MPP4: variants seen among roughly 807,000 people sequenced by gnomAD.
MPP4 encodes MAGUK p55 subfamily member 4.
Under a neutral mutation model 98.3 loss-of-function variants are expected in MPP4, and 91 were observed. The observed-to-expected ratio is 0.93, with a 90% confidence interval of 0.78 to 1.10. MPP4 has a LOEUF of 1.10. MPP4 is among the 50% of genes least tolerant of loss of function. The pLI, the probability that MPP4 is intolerant of heterozygous loss-of-function variation, is 0.00. For synonymous variants in MPP4, 261 were observed against 271.8 expected (o/e 0.96, Z 0.39); for missense variants, 744 against 792.9 (o/e 0.94, Z 0.74).
rs1485101012 is a variant in MPP4, at chr2:201,649,615, A to G, written c.1545T>C (p.Leu515=). The change falls in exon 20 of 22, where the codon CTT becomes CTC. Residue 515 remains leucine (L), a synonymous_variant. Coordinates refer to ENST00000409474, the MANE Select transcript of MPP4 (RefSeq NM_033066.3). ...GTSVDAVQTV[L]VEGKICVMDL... ...CCATGACACAGATCTTTCCTTCGACAAGGACTGTTTGAACAGCATCCACAC... is the reference window on the plus strand; with the variant it reads ...CCATGACACAGATCTTTCCTTCGACGAGGACTGTTTGAACAGCATCCACAC... 6.2e-7 allele frequency: 1 copy of G among 1,609,628 alleles called. No individual in the cohort carries two copies. The highest frequency in any genetic ancestry group is 8.5e-7 in the Non-Finnish European group (1 of 1,178,018).
chr2:201,669,979 G>A (rs1384939654), intron 11 of MPP4, among the ~76,000 whole-genome samples: 1 of 152,186 alleles, frequency 6.6e-6, no homozygotes, highest in Non-Finnish European at 1.5e-5. Flanking sequence ...AAATCTACTT[G>A]CTTCTGGTAA....
At chr2:201,651,528 G>A in intron 18 of MPP4, 1 of 985,354 alleles carries the variant, frequency 1.0e-6, no homozygotes, top group Non-Finnish European at 1.2e-6. Context: ...TCCATTTTAA[G>A]CTTAAAACCT....
In MPP4 at chr2:201,655,637, G is replaced by T. The variant is rs796483836; in HGVS notation, c.1300+561C>A. ...CAGACACGAAGGCAGTAGGATACAA[G>T]TTGCTACTGCTACAGGGACCAACTT... On this transcript the variant is annotated intron_variant, in intron 17 of 21. Coordinates refer to ENST00000409474, the MANE Select transcript of MPP4 (RefSeq NM_033066.3). Among the ~76,000 whole-genome samples the T allele has an allele frequency of 4.4e-4, 67 of 152,292 alleles. 1 individual carries two copies. The highest frequency in any genetic ancestry group is 1.5e-3 in the African/African-American group (63 of 41,548).
chr2:201,680,779 A>G, intron 10 of MPP4, 59 bp downstream of exon 10: 1 of 1,494,762 alleles, frequency 6.7e-7, no homozygotes, highest in Non-Finnish European at 9.1e-7. Context: ...GAAACCCAAG[A>G]AAAACATTTT....
intron 20 of MPP4, 133 bp downstream of exon 20, chr2:201,649,443 A>G (rs1687656348): frequency 1.6e-6 from 1 of 640,518 alleles, no homozygotes; most frequent in Non-Finnish European, 2.7e-6. Context: ...GTAAGATCTT[A>G]TATATGGGAA....
In MPP4 at chr2:201,647,747, G is replaced by C. The variant is rs1400948441; in HGVS notation, c.1663C>G (p.Gln555Glu). 6.2e-7 allele frequency: 1 copy of C among 1,613,934 alleles called. No individual in the cohort carries two copies. The highest frequency in any genetic ancestry group is 1.1e-5 in the South Asian group (1 of 91,086). Residue 555 changes from glutamine to glutamate, a missense_variant, in exon 21 of 22, where the codon CAA becomes GAA. Gln to Glu is a conservative substitution (Grantham distance 29). Coordinates refer to ENST00000409474, the MANE Select transcript of MPP4 (RefSeq NM_033066.3). ...ATAACCTTGGCATTTTTCCGAGATT[G>C]TTTCATACACCTCATATTCGATGGC... is the stretch of plus-strand genomic sequence containing the variant. ...IKPSNMRCMK[Q>E]SRKNAKVITD...
chr2:201,670,812 G>T (rs1251891878), intron 11 of MPP4, among the ~76,000 whole-genome samples: 1 of 152,230 alleles, frequency 6.6e-6, no homozygotes, highest in Non-Finnish European at 1.5e-5. Flanking sequence ...CTCCCAGCAA[G>T]ATCAATGCAG....
At position 201,653,453 on chromosome 2, in the gene MPP4, A is replaced by C. The variant is rs184445810; in HGVS notation, c.1381+1384T>G. Among the ~76,000 whole-genome samples the C allele has an allele frequency of 5.3e-3, 802 of 152,236 alleles. 3 individuals carry two copies. The highest frequency in any genetic ancestry group is 8.4e-3 in the Non-Finnish European group (571 of 67,992). On this transcript the variant is annotated intron_variant, in intron 18 of 21. Coordinates refer to ENST00000409474, the MANE Select transcript of MPP4 (RefSeq NM_033066.3). ...CGCTCTCTCCAATAAAAGCCTCCCC[A>C]AAAAGCCCCATGAATCTCCCTCCCC...
At chr2:201,682,807 CA>C in intron 8 of MPP4, 23 bp downstream of exon 8, 1 of 1,609,384 alleles carries the variant, frequency 6.2e-7, no homozygotes, top group Non-Finnish European at 8.5e-7. Context: ...AAGTCATTAA[CA>C]AAAAGGCAAA....
At chr2:201,645,518 G>T (rs1487036388) in intron 21 of MPP4, 114 bp from the exon 22 acceptor site, 6 of 852,724 alleles carry the variant, frequency 7.0e-6, no homozygotes, top group Non-Finnish European at 9.8e-6. Flanking sequence ...AAACAGTAAG[G>T]TCCGAAAATT....
intron 3 of MPP4, among the ~76,000 whole-genome samples, chr2:201,691,313 T>C (rs1689017257): frequency 6.6e-6 from 1 of 152,146 alleles, no homozygotes; most frequent in Admixed American, 6.5e-5. Context: ...AGACCACATT[T>C]CACACTTAAG....
intron 10 of MPP4, chr2:201,679,994 C>T (rs1688621442): frequency 6.6e-6 from 1 of 152,226 alleles, no homozygotes; most frequent in Non-Finnish European, 1.5e-5. Context: ...GATGAGGACC[C>T]CATACAGTCT....
In MPP4 at chr2:201,647,683, G is replaced by T; in HGVS notation, c.1719+8C>A. Reference sequence around the variant, plus strand: ...AAAGCAATACAGTAGTTTTTGACTTGCTCTTACCTTGAACTTCATGTCCAC... The same window carrying T: ...AAAGCAATACAGTAGTTTTTGACTTTCTCTTACCTTGAACTTCATGTCCAC... On this transcript the variant is annotated splice_region_variant and intron_variant, in intron 21 of 21. Coordinates refer to ENST00000409474, the MANE Select transcript of MPP4 (RefSeq NM_033066.3). 6.2e-7 allele frequency: 1 copy of T among 1,612,510 alleles called. No individual in the cohort carries two copies. The highest frequency in any genetic ancestry group is 8.5e-7 in the Non-Finnish European group (1 of 1,178,844).
intron 10 of MPP4, chr2:201,680,615 A>G (rs918989728): frequency 2.0e-6 from 1 of 499,902 alleles, no homozygotes; most frequent in Non-Finnish European, 3.5e-6. Context: ...GTTTCCCAAG[A>G]CTTTTCCCTG....
At chr2:201,686,683 T>C (rs917063541) in intron 5 of MPP4, among the ~76,000 whole-genome samples, 1 of 152,192 alleles carries the variant, frequency 6.6e-6, no homozygotes, top group Non-Finnish European at 1.5e-5. Flanking sequence ...CAGAAAATTC[T>C]CTAAGTAGTG....
intron 18 of MPP4, chr2:201,651,243 T>C: frequency 1.0e-6 from 1 of 985,444 alleles, no homozygotes; most frequent in Non-Finnish European, 1.2e-6. Flanking sequence ...TCAAAGGAGT[T>C]ACCAACCTTC....
intron 21 of MPP4, 88 bp from the exon 22 acceptor site, chr2:201,645,492 G>T: frequency 2.8e-6 from 3 of 1,077,804 alleles, no homozygotes; most frequent in East Asian, 2.8e-5. Flanking sequence ...ACATTCAGTT[G>T]TGAAACTATG....
intron 16 of MPP4, among the ~76,000 whole-genome samples, 183 bp downstream of exon 16, chr2:201,658,294 T>A (rs969499794): frequency 5.9e-5 from 9 of 151,964 alleles, no homozygotes; most frequent in Admixed American, 3.9e-4. Context: ...ATTAGATGAA[T>A]AACAATGAAT....
At chr2:201,691,181 G>T (rs1283373115) in intron 3 of MPP4, among the ~76,000 whole-genome samples, 1 of 152,180 alleles carries the variant, frequency 6.6e-6, no homozygotes, top group Non-Finnish European at 1.5e-5. Flanking sequence ...TATCTTAGCT[G>T]ATCCTGTGGG....
Sources: gnomAD v4.1 joint callset for allele counts (sites outside exome capture counted in the v4.1 genomes callset) on GRCh38, gnomAD v4.1.1 for gene constraint, MANE v1.5 for transcripts, NCBI Gene and HGNC (gene_info 2026-07-23, HGNC 2026-07-21) for gene names.